VBP1: variants seen among roughly 807,000 people sequenced by gnomAD.
The protein encoded by VBP1 is prefoldin subunit 3.
Under a neutral mutation model 15.5 loss-of-function variants are expected in VBP1, and 4 were observed. The ratio of observed to expected loss-of-function variants is 0.26; its 90% CI spans 0.13 to 0.59. The LOEUF (loss-of-function observed/expected upper bound fraction) is 0.59. Among genes scored for constraint, VBP1 ranks in the 20% least tolerant of loss-of-function variants. The pLI, the probability that VBP1 is intolerant of heterozygous loss-of-function variation, is 0.90. For missense variants in VBP1, 108 were observed against 139.6 expected, an observed-to-expected ratio of 0.77 and a Z score of 1.14; for synonymous variants, 61 against 52.1, an observed-to-expected ratio of 1.17 and a Z score of -0.74.
chrX:155,227,269 T>C lies in VBP1; in HGVS notation c.253T>C (p.Leu85=). The change falls in exon 3 of 6, where the codon TTG becomes CTG. Residue 85 remains leucine (L), a synonymous_variant. Coordinates refer to ENST00000286428, the MANE Select transcript of VBP1 (RefSeq NM_003372.7). ...TCAGATTCCTGAAATTAAACAGACT[T>C]TGGAAATTCTAAAATACATGCAGAA... is the stretch of plus-strand genomic sequence containing the variant. ...KGQIPEIKQT[L]EILKYMQKKK... 2 of 1,179,875 alleles carry C rather than the reference T, an allele frequency of 1.7e-6. No homozygotes were observed. Among genetic ancestry groups the C allele is most frequent in the South Asian group, 1.9e-5 (1 of 52,302 alleles).
At chrX:155,206,789 A>C (rs782374558) in intron 1 of VBP1, among the ~76,000 whole-genome samples, 3 of 111,146 alleles carry the variant, frequency 2.7e-5, no homozygotes, top group African/African-American at 9.8e-5. Context: ...CTAGAGTTAG[A>C]AACACCATTT....
At chrX:155,206,390 C>T (rs1441276275) in intron 1 of VBP1, among the ~76,000 whole-genome samples, 25 of 110,513 alleles carry the variant, frequency 2.3e-4, no homozygotes, top group African/African-American at 6.9e-4. Context: ...CCTGCCACCA[C>T]GCCTGGCTAA....
At chrX:155,220,897 A>G (rs1269687593) in intron 2 of VBP1, among the ~76,000 whole-genome samples, 2 of 112,165 alleles carry the variant, frequency 1.8e-5, no homozygotes, top group Non-Finnish European at 3.8e-5. Context: ...TCTGCTTTCA[A>G]CAAGGACACA....
chrX:155,225,269 C>G (rs1490276125), intron 2 of VBP1, among the ~76,000 whole-genome samples: 2 of 111,800 alleles, frequency 1.8e-5, no homozygotes, highest in Non-Finnish European at 3.8e-5. Flanking sequence ...CCTCGGCTCA[C>G]TGCAACCTCC....
chrX:155,204,349 C>T (rs1215006618), intron 1 of VBP1, among the ~76,000 whole-genome samples: 2 of 110,602 alleles, frequency 1.8e-5, no homozygotes, highest in Non-Finnish European at 3.8e-5. Flanking sequence ...GATGGGGTTT[C>T]GCCATGTTGG....
chrX:155,198,045 C>T (rs1557306883), intron 1 of VBP1, among the ~76,000 whole-genome samples: 2 of 112,313 alleles, frequency 1.8e-5, no homozygotes, highest in South Asian at 3.6e-4. Context: ...AAGGTGGCAG[C>T]GAGGCTGGGG....
At chrX:155,198,052 G>C (rs1557306888) in intron 1 of VBP1, among the ~76,000 whole-genome samples, 1 of 112,482 alleles carries the variant, frequency 8.9e-6, no homozygotes. Context: ...CAGCGAGGCT[G>C]GGGGAGGGGC....
In VBP1 at chrX:155,234,109, G is replaced by GTTTT. The variant is rs35367656; in HGVS notation, c.385-2094_385-2091dup. 5.6e-4 allele frequency among the ~76,000 whole-genome samples: 16 copies of GTTTT among 28,691 alleles called. 1 individual carries two copies. Among genetic ancestry groups the GTTTT allele is most frequent in the African/African-American group, 1.8e-3 (13 of 7,092 alleles). The allele number at this position is 28,691 out of a possible 115,157, so 24.9% of individuals were successfully genotyped here. On this transcript the variant is annotated intron_variant, in intron 4 of 5. Coordinates refer to ENST00000286428, the MANE Select transcript of VBP1 (RefSeq NM_003372.7). The stretch of plus-strand genomic sequence containing the variant: ...GAGTTTTCACTTTAGTTGTTCCTCT[G>GTTTT]TTTTTTTTTTTTTTTTTTTTTTTTT...
intron 1 of VBP1, among the ~76,000 whole-genome samples, chrX:155,203,538 C>T (rs1376163674): frequency 3.0e-5 from 3 of 100,224 alleles, no homozygotes; most frequent in Non-Finnish European, 5.9e-5. Flanking sequence ...CATGTTCTCA[C>T]TCATAGGTGG....
intron 1 of VBP1, among the ~76,000 whole-genome samples, chrX:155,197,972 T>C (rs1236410298): frequency 4.5e-5 from 5 of 112,312 alleles, no homozygotes; most frequent in African/African-American, 1.6e-4. Context: ...GCACATGGCT[T>C]GGAGGGTCCT....
In VBP1 at chrX:155,239,113, G is replaced by A. The variant is rs1225378631; in HGVS notation, c.*271G>A. 8.7e-6 allele frequency: 2 copies of A among 229,320 alleles called. No individual in the cohort carries two copies. Among genetic ancestry groups the A allele is most frequent in the African/African-American group, 5.9e-5 (2 of 34,155 alleles). 18.9% of individuals were successfully genotyped at this position (229,320 alleles called of 1,213,427 possible). ...CTCTTAGCTGAAATGGCCGAAAACT[G>A]TGAGACATGCTATGGAAGCTGAATG... On this transcript the variant is annotated 3_prime_UTR_variant, in exon 6 of 6. Coordinates refer to ENST00000286428, the MANE Select transcript of VBP1 (RefSeq NM_003372.7).
Position 155,239,676 on chromosome X carries a change from A to G in VBP1, c.*834A>G, listed in dbSNP as rs947832299. ...GTATAAAAAATCCCTGTGGAAAGCTACTAGTACATTGACCAGCGCTGGGTG... is the reference window on the plus strand; with the variant it reads ...GTATAAAAAATCCCTGTGGAAAGCTGCTAGTACATTGACCAGCGCTGGGTG... On this transcript the variant is annotated 3_prime_UTR_variant, in exon 6 of 6. Coordinates refer to ENST00000286428, the MANE Select transcript of VBP1 (RefSeq NM_003372.7). The G allele has an allele frequency of 2.7e-5, 3 of 112,136 alleles. No individual in the cohort carries two copies. The highest frequency in any genetic ancestry group is 5.6e-5 in the Non-Finnish European group (3 of 53,207). The allele number at this position is 112,136 out of a possible 1,213,427, so 9.2% of individuals were successfully genotyped here. A position where few individuals can be genotyped will look rare whatever the true frequency, so the allele number is the denominator to read the frequency against.
At chrX:155,232,797 C>T (rs2074753523) in intron 4 of VBP1, among the ~76,000 whole-genome samples, 1 of 112,940 alleles carries the variant, frequency 8.9e-6, no homozygotes, top group Non-Finnish European at 1.9e-5. Context: ...TATGCCATAG[C>T]AGTTCCATGC....
intron 1 of VBP1, among the ~76,000 whole-genome samples, chrX:155,204,626 A>G (rs782168415): frequency 2.1e-4 from 24 of 112,334 alleles, no homozygotes; most frequent in African/African-American, 7.8e-4. Flanking sequence ...GAGATGGCTA[A>G]CAGTAATAAA....
intron 1 of VBP1, among the ~76,000 whole-genome samples, chrX:155,200,288 C>A (rs2074597333): frequency 9.4e-6 from 1 of 106,088 alleles, no homozygotes; most frequent in Admixed American, 1.0e-4. Flanking sequence ...CTCTCCACCC[C>A]AAATCAACAG....
intron 2 of VBP1, among the ~76,000 whole-genome samples, chrX:155,223,944 C>T (rs1227387372): frequency 9.8e-6 from 1 of 102,229 alleles, no homozygotes; most frequent in African/African-American, 3.7e-5. Context: ...TGGTCAGAGA[C>T]GCTCCTCACC....
chrX:155,200,191 G>T (rs1336899971), intron 1 of VBP1, among the ~76,000 whole-genome samples: 1 of 106,076 alleles, frequency 9.4e-6, no homozygotes, highest in Non-Finnish European at 1.9e-5. Flanking sequence ...TCAACATTAG[G>T]CAGATCAACG....
chrX:155,223,663 C>T (rs184380147), intron 2 of VBP1, among the ~76,000 whole-genome samples: 14 of 112,882 alleles, frequency 1.2e-4, no homozygotes, highest in African/African-American at 2.9e-4. Flanking sequence ...CTTCTCTATT[C>T]GACAAAACCT....
At chrX:155,216,281 CACTT>C, upstream of VBP1, 2 of 879,303 alleles carry the variant, frequency 2.3e-6, no homozygotes, top group Non-Finnish European at 1.5e-6. Context: ...CCACGCTTGT[CACTT>C]ACCTGAGCGC....
Sources: allele counts gnomAD v4.1 joint callset (sites outside exome capture counted in the v4.1 genomes callset), GRCh38; gene constraint gnomAD v4.1.1; transcripts MANE v1.5; gene names NCBI Gene and HGNC (gene_info 2026-07-23, HGNC 2026-07-21).